Variants in FAM174B observed in about 807,000 individuals in gnomAD.
FAM174B encodes membrane protein FAM174B.
Under a neutral mutation model 10.9 loss-of-function variants are expected in FAM174B, and 12 were observed. That is an observed-to-expected ratio of 1.10 (90% CI 0.71 to 1.79). The LOEUF is 1.79. Among genes scored for constraint, FAM174B ranks in the 40% most tolerant of loss-of-function variants. The pLI is 0.00. For synonymous variants in FAM174B, 132 were observed against 115.8 expected, an observed-to-expected ratio of 1.14 and a Z score of -0.90; for missense variants, 266 against 233.3, an observed-to-expected ratio of 1.14 and a Z score of -0.91.
chr15:92,637,060 C>T (rs2050860734), intron 1 of FAM174B, among the ~76,000 whole-genome samples: 1 of 152,244 alleles, frequency 6.6e-6, no homozygotes, highest in African/African-American at 2.4e-5. Context: ...TGGGTGAAGC[C>T]CCTCCCACAT....
At chr15:92,620,788 C>T (rs1365241805) in intron 2 of FAM174B, among the ~76,000 whole-genome samples, 1 of 125,036 alleles carries the variant, frequency 8.0e-6, no homozygotes, top group Non-Finnish European at 1.6e-5. Context: ...GCACTCCAGC[C>T]TGGATGACAG....
At chr15:92,645,069 A>G (rs2050917227) in intron 1 of FAM174B, among the ~76,000 whole-genome samples, 1 of 152,242 alleles carries the variant, frequency 6.6e-6, no homozygotes, top group Non-Finnish European at 1.5e-5. Flanking sequence ...ACCATGGTTC[A>G]TTAGGTCCTA....
rs1188221807 is a variant in FAM174B, at chr15:92,618,246, T to A, written c.*1210A>T. 1.3e-5 allele frequency: 2 copies of A among 152,742 alleles called. No homozygotes were observed. Among genetic ancestry groups the A allele is most frequent in the Non-Finnish European group, 2.9e-5 (2 of 68,144 alleles). The allele number at this position is 152,742 out of a possible 1,614,324, so 9.5% of individuals were successfully genotyped here. A position where few individuals can be genotyped will look rare whatever the true frequency, so the allele number is the denominator to read the frequency against. On this transcript the variant is annotated 3_prime_UTR_variant, in exon 3 of 3. Coordinates refer to ENST00000327355, the MANE Select transcript of FAM174B (RefSeq NM_207446.3). ...CACTGCTAATAGACTAATAGAAGCA[T>A]CTTTGTTGCAGCCAATCACCTCTAG...
intron 1 of FAM174B, among the ~76,000 whole-genome samples, chr15:92,630,739 TATTTTTTATATTATATAATAATATATA>T (rs1244003413): frequency 1.0e-5 from 1 of 98,232 alleles, no homozygotes; most frequent in African/African-American, 4.4e-5. Context: ...TATAATTATA[TATTTTTTATATTATATAATAATATATA>T]ATAATAATAT....
In FAM174B at chr15:92,655,473, C is replaced by T. The variant is rs762108920; in HGVS notation, c.187G>A (p.Gly63Ser). Residue 63 changes from glycine (G) to serine (S), a missense_variant, in exon 1 of 3, where the codon GGC becomes AGC. Transcript: ENST00000327355. ...NTTRFGSGAAGGSGSSSSNSS... is the reference protein window; with the variant it reads ...NTTRFGSGAASGSGSSSSNSS... ...TTGGAGCTGGAGCTGCCGCTGCCGCCCGCCGCCCCAGACCCAAACCGGGTG... is the reference window on the plus strand; with the variant it reads ...TTGGAGCTGGAGCTGCCGCTGCCGCTCGCCGCCCCAGACCCAAACCGGGTG... 1 of 1,555,472 alleles carries T rather than the reference C, an allele frequency of 6.4e-7. No homozygotes were observed.
At position 92,630,211 on chromosome 15, in the gene FAM174B, T is replaced by C; in HGVS notation, c.476+3A>G. ...GGAGGAAGCCTCTGTCTCCACCCTG[T>C]ACCTGTATTTGATGTCGAATACTGT... On this transcript the variant is annotated splice_donor_region_variant and intron_variant, in intron 2 of 2. Transcript: ENST00000327355. 6.2e-7 allele frequency: 1 copy of C among 1,613,682 alleles called. No individual in the cohort carries two copies. Among genetic ancestry groups the C allele is most frequent in the South Asian group, 1.1e-5 (1 of 91,046 alleles).
intron 1 of FAM174B, among the ~76,000 whole-genome samples, chr15:92,638,052 C>T (rs2050867341): frequency 6.6e-6 from 1 of 152,172 alleles, no homozygotes; most frequent in Non-Finnish European, 1.5e-5. Context: ...CATCAAAGAA[C>T]GAACTTTGGG....
intron 1 of FAM174B, among the ~76,000 whole-genome samples, chr15:92,642,188 A>G (rs1004510418): frequency 2.8e-4 from 42 of 152,242 alleles, no homozygotes; most frequent in Admixed American, 2.7e-3. Flanking sequence ...GATATAAGAA[A>G]TCATAACCCT....
chr15:92,655,637 G>A lies in FAM174B; in HGVS notation c.23C>T (p.Ala8Val), dbSNP rs981106021. ...GAGCAGCAGCAGCGGCAGGAGCGGG[G>A]CGGGCAGCGGCACGGCGCGCATAGT... is the stretch of plus-strand genomic sequence containing the variant. MRAVPLP[A>V]PLLPLLLLAL... The change falls in exon 1 of 3, where the codon GCC becomes GTC. Residue 8 changes from alanine (A) to valine (V), a missense_variant. By Grantham distance (64) the Ala-to-Val change is moderately conservative. Transcript: ENST00000327355. The A allele has an allele frequency of 1.6e-6, 2 of 1,255,518 alleles. No homozygotes were observed. The highest frequency in any genetic ancestry group is 1.6e-5 in the African/African-American group (1 of 64,266). The allele number at this position is 1,255,518 out of a possible 1,614,324, so 77.8% of individuals were successfully genotyped here.
At chr15:92,653,261 G>C (rs1459897382) in intron 1 of FAM174B, 3 of 152,208 alleles carry the variant, frequency 2.0e-5, no homozygotes, top group Non-Finnish European at 4.4e-5. Context: ...TTCCAGGCTA[G>C]AGTGCTGGCT....
Position 92,638,471 on chromosome 15 carries a change from G to A in FAM174B, c.345-8126C>T, listed in dbSNP as rs141081628. ...CAGGCCCTGGCAGCCTACAGAGGGG[G>A]AGGCCTTCCTTCCTCGCCCTCACCC... On this transcript the variant is annotated intron_variant, in intron 1 of 2. Transcript: ENST00000327355. 7.5e-4 allele frequency among the ~76,000 whole-genome samples: 114 copies of A among 152,314 alleles called. 1 individual carries two copies. Among genetic ancestry groups the A allele is most frequent in the Admixed American group, 2.0e-3 (30 of 15,300 alleles).
At chr15:92,627,140 T>C (rs894652210) in intron 2 of FAM174B, 1 of 152,224 alleles carries the variant, frequency 6.6e-6, no homozygotes, top group African/African-American at 2.4e-5. Context: ...ATGCACATCA[T>C]TAAAGTGGCC....
Position 92,617,920 on chromosome 15 carries a change from C to G in FAM174B, c.*1536G>C. 5.0e-6 allele frequency: 2 copies of G among 402,396 alleles called. No individual in the cohort carries two copies. Among genetic ancestry groups the G allele is most frequent in the South Asian group, 8.7e-5 (1 of 11,464 alleles). 24.9% of individuals were successfully genotyped at this position (402,396 alleles called of 1,614,324 possible). A position where few individuals can be genotyped will look rare whatever the true frequency, so the allele number is the denominator to read the frequency against. ...TGCTGGGCCGGCTGCGCCACCCTCA[C>G]CCAGGGCTTCCCACGGGCTCTGCTC... is the stretch of plus-strand genomic sequence containing the variant. On this transcript the variant is annotated 3_prime_UTR_variant, in exon 3 of 3. Coordinates refer to ENST00000327355, the MANE Select transcript of FAM174B (RefSeq NM_207446.3).
intron 1 of FAM174B, among the ~76,000 whole-genome samples, chr15:92,648,997 G>C (rs771821287): frequency 1.3e-5 from 2 of 152,136 alleles, no homozygotes; most frequent in African/African-American, 2.4e-5. Flanking sequence ...ATCCATGAAG[G>C]CTTCTTTGCT....
intron 1 of FAM174B, among the ~76,000 whole-genome samples, chr15:92,654,824 A>C (rs1244943209): frequency 6.6e-6 from 1 of 151,732 alleles, no homozygotes; most frequent in Non-Finnish European, 1.5e-5. Context: ...GAAGAAGAAA[A>C]AGTAGGCGGG....
chr15:92,641,252 C>T (rs1403903615), intron 1 of FAM174B, among the ~76,000 whole-genome samples: 2 of 152,218 alleles, frequency 1.3e-5, no homozygotes, highest in Non-Finnish European at 2.9e-5. Flanking sequence ...GAAACACTCT[C>T]TCATTACTTG....
At position 92,655,381 on chromosome 15, in the gene FAM174B, T is replaced by A. The variant is rs774180765; in HGVS notation, c.279A>T (p.Ala93=). ...TAAAGGCGAACGCCACGATCACGGC[T>A]GCCTTGAGGGTGGGTAGGTCGCGGA... ...ILLRDLPTLK[A]AVIVAFAFTT... Residue 93 remains alanine (A), a synonymous_variant, in exon 1 of 3, where the codon GCA becomes GCT. Transcript: ENST00000327355. The A allele has an allele frequency of 6.3e-7, 1 of 1,592,580 alleles. No individual in the cohort carries two copies. Among genetic ancestry groups the A allele is most frequent in the South Asian group, 1.1e-5 (1 of 88,798 alleles).
In FAM174B at chr15:92,651,270, A is replaced by G. The variant is rs1158406706; in HGVS notation, c.344+4046T>C. On this transcript the variant is annotated intron_variant, in intron 1 of 2. Coordinates refer to ENST00000327355, the MANE Select transcript of FAM174B (RefSeq NM_207446.3). ...AGAATGAGCACCCCCTAGGATCCAG[A>G]AGCCCCACTCCCAGGTGTACACCCC... 4.6e-5 allele frequency among the ~76,000 whole-genome samples: 7 copies of G among 152,132 alleles called. No homozygotes were observed. In the East Asian group the frequency reaches 1.4e-3, roughly 29 times the overall value.
intron 1 of FAM174B, among the ~76,000 whole-genome samples, chr15:92,642,395 A>G (rs2050897535): frequency 6.6e-6 from 1 of 152,208 alleles, no homozygotes; most frequent in African/African-American, 2.4e-5. Flanking sequence ...TAATAGCCCC[A>G]AAAAGGAAAC....
Sources: allele counts gnomAD v4.1 joint callset (sites outside exome capture counted in the v4.1 genomes callset), GRCh38; gene constraint gnomAD v4.1.1; transcripts MANE v1.5; gene names NCBI Gene and HGNC (gene_info 2026-07-23, HGNC 2026-07-21).